Variants in SCP2 observed in about 807,000 individuals in gnomAD.
The protein encoded by SCP2 is sterol carrier protein 2.
Under a neutral mutation model 71.4 loss-of-function variants are expected in SCP2, and 48 were observed. The ratio of observed to expected loss-of-function variants is 0.67; its 90% confidence interval spans 0.53 to 0.86. SCP2 has a LOEUF of 0.86. Among genes scored for constraint, SCP2 ranks in the 40% least tolerant of loss-of-function variants. The pLI is 0.00. For missense variants in SCP2, 560 were observed against 655.6 expected, an observed-to-expected ratio of 0.85 and a Z score of 1.59; for synonymous variants, 220 against 218.1, an observed-to-expected ratio of 1.01 and a Z score of -0.08.
rs575481002 is a variant in SCP2 at position 53,028,082 on chromosome 1, T to C, written c.1338+11T>C. On this transcript the variant is annotated intron_variant, in intron 13 of 15. Coordinates refer to ENST00000371514, the MANE Select transcript of SCP2 (RefSeq NM_002979.5). ...AAGAAACTTGAAGAGGTAAGATTTA[T>C]GTAAAATATTGCCAGGAAGGACCTT... 8 of 1,441,880 alleles carry C rather than the reference T, an allele frequency of 5.5e-6. No individual in the cohort carries two copies. The highest frequency in any genetic ancestry group is 5.0e-5 in the Admixed American group (3 of 59,658). The allele number at this position is 1,441,880 out of a possible 1,614,324, so 89.3% of individuals were successfully genotyped here. A position where few individuals can be genotyped will look rare whatever the true frequency, so the allele number is the denominator to read the frequency against.
chr1:52,950,286 A>G (rs777786318), intron 3 of SCP2, among the ~76,000 whole-genome samples: 17 of 151,940 alleles, frequency 1.1e-4, no homozygotes, highest in Non-Finnish European at 1.8e-4. Flanking sequence ...ATGCCTGGCT[A>G]ATTTTTTGTA....
intron 12 of SCP2, among the ~76,000 whole-genome samples, chr1:53,025,922 G>A (rs1662098805): frequency 6.6e-6 from 1 of 152,064 alleles, no homozygotes; most frequent in Admixed American, 6.6e-5. Flanking sequence ...TTCATTTCAT[G>A]TCACTCTCCC....
intron 5 of SCP2, among the ~76,000 whole-genome samples, chr1:52,957,865 C>G (rs1177782662): frequency 6.6e-6 from 1 of 152,128 alleles, no homozygotes; most frequent in Non-Finnish European, 1.5e-5. Context: ...ATGTGGATGT[C>G]CAGTTGTCCC....
At chr1:52,937,626 G>T (rs924780577) in intron 1 of SCP2, among the ~76,000 whole-genome samples, 4 of 152,180 alleles carry the variant, frequency 2.6e-5, no homozygotes, top group Non-Finnish European at 5.9e-5. Flanking sequence ...ATGAAATGTG[G>T]CATTTAAGTC....
chr1:52,949,087 G>C (rs1655069445), intron 3 of SCP2, among the ~76,000 whole-genome samples: 2 of 151,844 alleles, frequency 1.3e-5, no homozygotes, highest in Non-Finnish European at 1.5e-5. Flanking sequence ...CTAATTTCTA[G>C]TTGTTATAAA....
chr1:52,948,796 G>A (rs924375966), intron 3 of SCP2, among the ~76,000 whole-genome samples: 11 of 151,956 alleles, frequency 7.2e-5, no homozygotes, highest in Non-Finnish European at 1.2e-4. Flanking sequence ...GATGATTTAT[G>A]TATATATTGT....
chr1:52,996,368 C>T (rs1202662270), intron 11 of SCP2, among the ~76,000 whole-genome samples: 1 of 152,076 alleles, frequency 6.6e-6, no homozygotes, highest in Non-Finnish European at 1.5e-5. Context: ...TTTGAAAGCC[C>T]ATGTGGATAA....
At chr1:52,984,843 CT>C (rs58111718) in intron 10 of SCP2, among the ~76,000 whole-genome samples, 27,530 of 105,704 alleles carry the variant, frequency 0.26, 4,259 homozygotes, top group African/African-American at 0.57. Context: ...AGCTTTTCTT[CT>C]TTTTTTTTTT....
In SCP2 at chr1:52,954,822, A is replaced by G. The variant is rs373123765; in HGVS notation, c.396+18A>G. 31 of 1,597,936 alleles carry G rather than the reference A, an allele frequency of 1.9e-5. No individual in the cohort carries two copies. The highest frequency in any genetic ancestry group is 2.3e-5 in the Non-Finnish European group (27 of 1,165,426). On this transcript the variant is annotated intron_variant, in intron 5 of 15. Transcript: ENST00000371514. ...GAATAAAAGTGAGTGTTATTTTGGCATAGTTACTAAATGAGCTAATATAAC... is the reference window on the plus strand; with the variant it reads ...GAATAAAAGTGAGTGTTATTTTGGCGTAGTTACTAAATGAGCTAATATAAC...
chr1:53,048,332 A>C (rs1663968434), intron 15 of SCP2: 1 of 284,118 alleles, frequency 3.5e-6, no homozygotes, highest in Non-Finnish European at 7.0e-6. Flanking sequence ...GTGTTCCAGG[A>C]GGAGGGAGGG....
intron 1 of SCP2, among the ~76,000 whole-genome samples, chr1:52,935,938 G>GA (rs985682724): frequency 4.6e-4 from 66 of 144,036 alleles, no homozygotes; most frequent in South Asian, 3.1e-3. Context: ...AACCTGTCTT[G>GA]AAAAAAAAAA....
chr1:52,996,411 G>A (rs1017444210), intron 11 of SCP2, among the ~76,000 whole-genome samples: 1 of 152,194 alleles, frequency 6.6e-6, no homozygotes, highest in Admixed American at 6.5e-5. Context: ...GCGAAAGATG[G>A]TAGAAGGTGG....
chr1:52,963,049 A>G (rs897270664), intron 6 of SCP2, among the ~76,000 whole-genome samples: 5 of 151,862 alleles, frequency 3.3e-5, no homozygotes, highest in Non-Finnish European at 4.4e-5. Context: ...ATAAAAGAAA[A>G]AAAAAAAAAA....
At chr1:53,038,859 TGAG>T in intron 13 of SCP2, 55 bp from the exon 14 acceptor site, 1 of 1,605,736 alleles carries the variant, frequency 6.2e-7, no homozygotes, top group Non-Finnish European at 8.5e-7. Context: ...TGAATTTGCT[TGAG>T]GAGAAAGCCA....
intron 9 of SCP2, among the ~76,000 whole-genome samples, chr1:52,979,919 TCTTTCC>T (rs772401477): frequency 9.1e-4 from 136 of 149,386 alleles, no homozygotes; most frequent in Non-Finnish European, 1.5e-3. Flanking sequence ...TTCCTCCCTT[TCTTTCC>T]CTTTCCCTTT....
intron 4 of SCP2, 65 bp downstream of exon 4, chr1:52,950,951 T>C (rs1304382153): frequency 3.3e-6 from 5 of 1,495,012 alleles, no homozygotes; most frequent in African/African-American, 2.8e-5. Context: ...CACACGACCA[T>C]CAGAGGAATT....
At chr1:52,962,280 A>T (rs1002399779) in intron 6 of SCP2, among the ~76,000 whole-genome samples, 1 of 152,134 alleles carries the variant, frequency 6.6e-6, no homozygotes, top group African/African-American at 2.4e-5. Context: ...TACATTCAAT[A>T]TATCAGCAAG....
chr1:52,999,096 A>G (rs1286642435), intron 11 of SCP2, among the ~76,000 whole-genome samples: 1 of 152,064 alleles, frequency 6.6e-6, no homozygotes, highest in Non-Finnish European at 1.5e-5. Context: ...ATTTTTTGGG[A>G]AAAAAATTAT....
chr1:52,975,149 T>C (rs1657841532), intron 7 of SCP2, among the ~76,000 whole-genome samples: 1 of 151,744 alleles, frequency 6.6e-6, no homozygotes, highest in Non-Finnish European at 1.5e-5. Flanking sequence ...CCCTAGTAGC[T>C]GGGACTACAG....
Sources: gnomAD v4.1 joint callset for allele counts (sites outside exome capture counted in the v4.1 genomes callset) on GRCh38, gnomAD v4.1.1 for gene constraint, MANE v1.5 for transcripts, NCBI Gene and HGNC (gene_info 2026-07-23, HGNC 2026-07-21) for gene names.